The following ENOX2 variants were observed in gnomAD, a reference collection of about 807,000 sequenced individuals.
ENOX2 encodes the protein APK1 antigen.
ENOX2 carries 36 observed loss-of-function variants against 45.0 expected under a neutral mutation model. The observed-to-expected ratio is 0.80, with a 90% CI of 0.61 to 1.06. The LOEUF (loss-of-function observed/expected upper bound fraction) is 1.06, where lower values mean the gene tolerates loss of function less well. Ranked by LOEUF, ENOX2 falls within the 50% of genes least tolerant of loss-of-function variation. ENOX2 has a pLI of 0.00. For synonymous variants in ENOX2, 174 were observed against 152.3 expected (o/e 1.14, Z -1.05); for missense variants, 423 against 462.5 (o/e 0.91, Z 0.78).
intron 7 of ENOX2, among the ~76,000 whole-genome samples, chrX:130,668,329 C>T (rs184077624): frequency 1.3e-4 from 14 of 111,898 alleles, no homozygotes; most frequent in African/African-American, 4.5e-4. Context: ...CAAACATGCA[C>T]ATCTTCGACC....
At chrX:130,764,923 T>C (rs950258539) in intron 3 of ENOX2, among the ~76,000 whole-genome samples, 1 of 111,520 alleles carries the variant, frequency 9.0e-6, no homozygotes, top group African/African-American at 3.3e-5. Context: ...GCTTAGTCAT[T>C]TGGGGTGATC....
At chrX:130,810,364 C>A (rs2077371254) in intron 2 of ENOX2, among the ~76,000 whole-genome samples, 1 of 111,261 alleles carries the variant, frequency 9.0e-6, no homozygotes. Flanking sequence ...CCTCAGTAGC[C>A]CCAGACTTCA....
intron 5 of ENOX2, among the ~76,000 whole-genome samples, chrX:130,682,583 C>CAAAAAAAAAAAAAAAAA (rs55875735): frequency 1.4e-4 from 2 of 14,659 alleles, no homozygotes; most frequent in African/African-American, 4.1e-4. Context: ...GACTCCGTCT[C>CAAAAAAAAAAAAAAAAA]AAAAAAAAAA....
intron 5 of ENOX2, among the ~76,000 whole-genome samples, chrX:130,682,583 CA>C (rs55875735): frequency 8.2e-3 from 119 of 14,591 alleles, no homozygotes; most frequent in South Asian, 0.014. Context: ...GACTCCGTCT[CA>C]AAAAAAAAAA....
rs191826899 is a variant in ENOX2, at chrX:130,808,932, C to T, written c.-182-25242G>A. Among the ~76,000 whole-genome samples, 4 of 111,985 alleles carry T rather than the reference C, an allele frequency of 3.6e-5. No homozygotes were observed. In the Admixed American group the frequency reaches 3.8e-4, roughly 11 times the overall value. The stretch of plus-strand genomic sequence containing the variant: ...CTTTCTTAGTATATCATAGAATGCA[C>T]ATTTATGGTAGGCTACTAATTGACC... On this transcript the variant is annotated intron_variant, in intron 2 of 14. Coordinates refer to ENST00000394363, the MANE Select transcript of ENOX2 (RefSeq NM_006375.4).
intron 2 of ENOX2, among the ~76,000 whole-genome samples, chrX:130,830,684 T>A (rs983698700): frequency 1.8e-5 from 2 of 111,999 alleles, no homozygotes; most frequent in Non-Finnish European, 3.8e-5. Flanking sequence ...ATTCCAACCA[T>A]CGGTTAAATC....
At chrX:130,655,197 A>C (rs2036514588) in intron 10 of ENOX2, among the ~76,000 whole-genome samples, 1 of 112,593 alleles carries the variant, frequency 8.9e-6, no homozygotes, top group African/African-American at 3.2e-5. Flanking sequence ...TTAGTTGACT[A>C]TCCTGAAAAT....
intron 2 of ENOX2, among the ~76,000 whole-genome samples, chrX:130,812,682 C>T (rs1039835884): frequency 1.8e-5 from 2 of 111,610 alleles, no homozygotes; most frequent in East Asian, 5.6e-4. Flanking sequence ...GAAAGATATC[C>T]CATGTTTGTG....
intron 9 of ENOX2, among the ~76,000 whole-genome samples, chrX:130,661,933 G>A (rs1345259596): frequency 8.9e-6 from 1 of 112,130 alleles, no homozygotes; most frequent in Non-Finnish European, 1.9e-5. Flanking sequence ...GTGTAAAACC[G>A]CATCTGAGGG....
chrX:130,727,802 C>T (rs2038640934), intron 3 of ENOX2, among the ~76,000 whole-genome samples: 2 of 111,581 alleles, frequency 1.8e-5, no homozygotes, highest in Admixed American at 9.5e-5. Flanking sequence ...GATTTCTATC[C>T]CCTCATCTCC....
intron 6 of ENOX2, among the ~76,000 whole-genome samples, chrX:130,672,283 T>C (rs998325782): frequency 8.9e-6 from 1 of 111,777 alleles, no homozygotes; most frequent in African/African-American, 3.3e-5. Flanking sequence ...TGCACCCACC[T>C]GAGAATTCTA....
intron 5 of ENOX2, among the ~76,000 whole-genome samples, chrX:130,685,330 C>T (rs2037419616): frequency 9.0e-6 from 1 of 111,337 alleles, no homozygotes; most frequent in Non-Finnish European, 1.9e-5. Flanking sequence ...ACTTTAGTCT[C>T]TATTGTGAGT....
In ENOX2 at chrX:130,634,998, T is replaced by A; in HGVS notation, c.1405A>T (p.Asn469Tyr). Residue 469 changes from asparagine to tyrosine, a missense_variant, in exon 12 of 15, where the codon AAT becomes TAT. Coordinates refer to ENST00000394363, the MANE Select transcript of ENOX2 (RefSeq NM_006375.4). ...GGTGCATGTACCTTTTCTTTAAGAT[T>A]TTCCAACATTTTTTCCACCTGTAAC... is the stretch of plus-strand genomic sequence containing the variant. ...DKLQVEKMLE[N>Y]LKEKESCASR... The A allele has an allele frequency of 8.6e-7, 1 of 1,162,505 alleles. No homozygotes were observed.
At chrX:130,880,040 G>A (rs2078779764) in intron 2 of ENOX2, among the ~76,000 whole-genome samples, 1 of 111,814 alleles carries the variant, frequency 8.9e-6, no homozygotes, top group Admixed American at 9.5e-5. Flanking sequence ...TGAAACACCC[G>A]TTTTGAACTC....
chrX:130,803,939 T>C (rs1441900439), intron 2 of ENOX2, among the ~76,000 whole-genome samples: 1 of 111,668 alleles, frequency 9.0e-6, no homozygotes, highest in African/African-American at 3.3e-5. Flanking sequence ...TCACAGAGGA[T>C]AGAGATCATG....
chrX:130,755,746 C>A lies in ENOX2; in HGVS notation c.-39+27801G>T, dbSNP rs181869607. Among the ~76,000 whole-genome samples, 4 of 110,874 alleles carry A rather than the reference C, an allele frequency of 3.6e-5. No homozygotes were observed. In the East Asian group the frequency reaches 1.1e-3, roughly 31 times the overall value. The stretch of plus-strand genomic sequence containing the variant: ...TGTGTTACAAGCAACCAAACCACAC[C>A]CTTTTAGTAATTTTTAAATGTACAA... On this transcript the variant is annotated intron_variant, in intron 3 of 14. Coordinates refer to ENST00000394363, the MANE Select transcript of ENOX2 (RefSeq NM_006375.4).
At chrX:130,652,006 C>G (rs1457793242) in intron 10 of ENOX2, among the ~76,000 whole-genome samples, 1 of 111,786 alleles carries the variant, frequency 8.9e-6, no homozygotes, top group Non-Finnish European at 1.9e-5. Flanking sequence ...AAACCCTTAA[C>G]TTTATCGATT....
chrX:130,846,540 T>C (rs1205783187), intron 2 of ENOX2, among the ~76,000 whole-genome samples: 1 of 111,603 alleles, frequency 9.0e-6, no homozygotes, highest in Non-Finnish European at 1.9e-5. Flanking sequence ...TTTTTCCATG[T>C]TGATCAGGCT....
At chrX:130,899,809 T>C (rs1390113200) in intron 2 of ENOX2, among the ~76,000 whole-genome samples, 1 of 112,062 alleles carries the variant, frequency 8.9e-6, no homozygotes, top group African/African-American at 3.3e-5. Flanking sequence ...GTAATCTTAA[T>C]GAACATAGAA....
Sources: gnomAD v4.1 joint callset for allele counts (sites outside exome capture counted in the v4.1 genomes callset) on GRCh38, gnomAD v4.1.1 for gene constraint, MANE v1.5 for transcripts, NCBI Gene and HGNC (gene_info 2026-07-23, HGNC 2026-07-21) for gene names.